ZC3H15: variants seen among roughly 807,000 people sequenced by gnomAD.
The protein encoded by ZC3H15 is zinc finger CCCH-type containing 15.
A neutral mutation model predicts 51.2 loss-of-function variants in ZC3H15; 15 were observed. The observed-to-expected ratio is 0.29, with a 90% CI of 0.20 to 0.45. The LOEUF (loss-of-function observed/expected upper bound fraction) is 0.45, where lower values mean the gene tolerates loss of function less well. ZC3H15 is among the 20% of genes least tolerant of loss of function. The pLI is 1.00. For missense variants in ZC3H15, 381 were observed against 494.7 expected (o/e 0.77, Z 2.18); for synonymous variants, 144 against 162.8 (o/e 0.88, Z 0.88).
chr2:186,499,634 T>C (rs1175994829), intron 2 of ZC3H15: 3 of 451,140 alleles, frequency 6.6e-6, no homozygotes, highest in Non-Finnish European at 1.3e-5. Flanking sequence ...GACGTATAAA[T>C]GTTTGGATGA....
intron 2 of ZC3H15, chr2:186,499,663 G>C: frequency 2.3e-6 from 1 of 440,764 alleles, no homozygotes; most frequent in South Asian, 1.6e-5. Context: ...ATCATATTAG[G>C]TATGTAAATC....
Position 186,501,959 on chromosome 2 carries a change from G to A in ZC3H15, c.442+534G>A, listed in dbSNP as rs566667525. Among the ~76,000 whole-genome samples the A allele has an allele frequency of 4.6e-5, 7 of 151,922 alleles. 1 individual carries two copies. The highest frequency in any genetic ancestry group is 4.2e-4 in the South Asian group (2 of 4,816). ...TCTCCTGACTTCGTGATCTGCCCAC[G>A]CTGGCCTCTCAAAGTGCTGGGATTA... is the stretch of plus-strand genomic sequence containing the variant. On this transcript the variant is annotated intron_variant, in intron 4 of 9. Transcript: ENST00000337859.
At chr2:186,492,573 T>G (rs1049789207) in intron 1 of ZC3H15, among the ~76,000 whole-genome samples, 6 of 152,234 alleles carry the variant, frequency 3.9e-5, no homozygotes, top group Admixed American at 2.0e-4. Context: ...AATAAAGAGA[T>G]ATTTCCCAAT....
chr2:186,501,474 G>A (rs768389412), intron 4 of ZC3H15, 49 bp downstream of exon 4: 21 of 1,475,280 alleles, frequency 1.4e-5, no homozygotes, highest in Admixed American at 1.3e-4. Context: ...GAATACTTTC[G>A]GTTTGCTACT....
chr2:186,505,680 T>A, intron 7 of ZC3H15, 60 bp from the exon 8 acceptor site: 2 of 1,605,084 alleles, frequency 1.2e-6, no homozygotes, highest in Non-Finnish European at 1.7e-6. Flanking sequence ...TTCTATTTCA[T>A]CAGTGACAAG....
At chr2:186,501,792 G>A (rs1343450207) in intron 4 of ZC3H15, among the ~76,000 whole-genome samples, 4 of 151,538 alleles carry the variant, frequency 2.6e-5, no homozygotes, top group African/African-American at 9.7e-5. Context: ...GCTCACTGCA[G>A]TCTCCATCTC....
intron 2 of ZC3H15, among the ~76,000 whole-genome samples, chr2:186,498,437 A>G (rs1205988295): frequency 1.3e-5 from 2 of 152,238 alleles, no homozygotes; most frequent in Admixed American, 1.3e-4. Flanking sequence ...ATATTTAGAT[A>G]AATGGCTTGT....
intron 3 of ZC3H15, among the ~76,000 whole-genome samples, chr2:186,500,939 C>CT (rs1460660737): frequency 6.6e-6 from 1 of 152,170 alleles, no homozygotes; most frequent in Non-Finnish European, 1.5e-5. Flanking sequence ...TCCCAGAGTG[C>CT]TGGAATTACA....
At chr2:186,496,742 TCTAA>T (rs1343422683) in intron 2 of ZC3H15, among the ~76,000 whole-genome samples, 1 of 152,238 alleles carries the variant, frequency 6.6e-6, no homozygotes, top group Non-Finnish European at 1.5e-5. Context: ...ATCCAAGGCT[TCTAA>T]CTTATACAGC....
intron 8 of ZC3H15, 63 bp from the exon 9 acceptor site, chr2:186,506,650 T>C (rs1685471749): frequency 1.0e-5 from 16 of 1,536,380 alleles, no homozygotes; most frequent in Non-Finnish European, 1.4e-5. Context: ...TTAAGATAAA[T>C]GTCAGGAGTA....
Position 186,495,755 on chromosome 2 carries a change from G to A in ZC3H15, c.177+421G>A, listed in dbSNP as rs956724707. Among the ~76,000 whole-genome samples the A allele has an allele frequency of 2.0e-5, 3 of 152,182 alleles. No individual in the cohort carries two copies. In the East Asian group the frequency reaches 5.8e-4, roughly 29 times the overall value. On this transcript the variant is annotated intron_variant, in intron 2 of 9. Coordinates refer to ENST00000337859, the MANE Select transcript of ZC3H15 (RefSeq NM_018471.3). ...TTTCTAATTTTAACATTATAAATTT[G>A]CCAGATCACTTTCCATAGAGGCTGT...
intron 8 of ZC3H15, 190 bp downstream of exon 8, chr2:186,506,031 T>C (rs903237319): frequency 4.3e-6 from 3 of 693,688 alleles, no homozygotes; most frequent in Non-Finnish European, 7.8e-6. Flanking sequence ...CTCTACATCA[T>C]AGTTTGTGAG....
intron 5 of ZC3H15, among the ~76,000 whole-genome samples, chr2:186,503,081 A>G (rs2105592572): frequency 6.6e-6 from 1 of 152,326 alleles, no homozygotes; most frequent in South Asian, 2.1e-4. Context: ...TGATGTCTCA[A>G]ACTTTGCATT....
rs1685403961 is a variant in ZC3H15 at position 186,502,573 on chromosome 2, C to T, written c.520C>T (p.Pro174Ser). The T allele has an allele frequency of 6.2e-7, 1 of 1,611,062 alleles. No homozygotes were observed. The highest frequency in any genetic ancestry group is 8.5e-7 in the Non-Finnish European group (1 of 1,178,408). Residue 174 changes from proline (P) to serine (S), a missense_variant, in exon 5 of 10, where the codon CCA (proline) becomes TCA (serine). By Grantham distance (74) the Pro-to-Ser change is moderately conservative. Transcript: ENST00000337859. The stretch of plus-strand genomic sequence containing the variant: ...GCACGGTGAGGCGGAAAAGAAAAAA[C>T]CAAAAACTCAAATAGTATGTCCTTT... ...KKHGEAEKKK[P>S]KTQIVCKHFL...
intron 1 of ZC3H15, among the ~76,000 whole-genome samples, chr2:186,487,803 A>G (rs1685125669): frequency 6.6e-6 from 1 of 152,206 alleles, no homozygotes; most frequent in African/African-American, 2.4e-5. Flanking sequence ...ATTGAAATTA[A>G]ATGTTATGTA....
In ZC3H15 at chr2:186,508,795, ATTTC is replaced by A; in HGVS notation, c.*67_*70del. 4 of 1,535,228 alleles carry A rather than the reference ATTTC, an allele frequency of 2.6e-6. No homozygotes were observed. The highest frequency in any genetic ancestry group is 3.6e-6 in the Non-Finnish European group (4 of 1,120,512). ...GCACGAGTTGAAATTGACTACATTA[ATTTC>A]TTTCCACCTAGAATCAACAGGATGT... On this transcript the variant is annotated 3_prime_UTR_variant, in exon 10 of 10. Transcript: ENST00000337859.
rs1202715290 is a variant in ZC3H15 at position 186,506,693 on chromosome 2, T to G, written c.967-20T>G. On this transcript the variant is annotated intron_variant, in intron 8 of 9. Coordinates refer to ENST00000337859, the MANE Select transcript of ZC3H15 (RefSeq NM_018471.3). ...ACTGTTCTTATTTGTAACAACTTTCTTTTCTATATGTTGTTAAAGGTTGAT... is the reference window on the plus strand; with the variant it reads ...ACTGTTCTTATTTGTAACAACTTTCGTTTCTATATGTTGTTAAAGGTTGAT... 6.3e-7 allele frequency: 1 copy of G among 1,587,990 alleles called. No homozygotes were observed. The highest frequency in any genetic ancestry group is 2.2e-5 in the East Asian group (1 of 44,584).
Position 186,508,608 on chromosome 2 carries a change from G to A in ZC3H15, c.1156G>A (p.Asp386Asn). 1.2e-6 allele frequency: 2 copies of A among 1,614,062 alleles called. No individual in the cohort carries two copies. The highest frequency in any genetic ancestry group is 1.7e-6 in the Non-Finnish European group (2 of 1,179,982). The stretch of plus-strand genomic sequence containing the variant: ...TGGTGAAAGAAGTGACTTGGAAGAG[G>A]ACAACGAGAGGGAGGGAACGGAAAA... Reference protein sequence around the residue: ...ENGERSDLEEDNEREGTENGA... With the variant: ...ENGERSDLEENNEREGTENGA... The change falls in exon 10 of 10, where the codon GAC becomes AAC. Residue 386 changes from aspartate (D) to asparagine (N), a missense_variant. Asp to Asn is a conservative substitution (Grantham distance 23, BLOSUM62 1). Around this residue, in one of 3 missense-constraint regions of ZC3H15, gnomAD observed 215 missense variants for 241.8 expected, o/e 0.89. Transcript: ENST00000337859.
chr2:186,497,342 T>A (rs987851476), intron 2 of ZC3H15, among the ~76,000 whole-genome samples: 1 of 152,210 alleles, frequency 6.6e-6, no homozygotes, highest in Non-Finnish European at 1.5e-5. Context: ...CCCAGCTTGA[T>A]TCTAGAATCT....
Sources: gnomAD v4.1 joint callset for allele counts (sites outside exome capture counted in the v4.1 genomes callset) on GRCh38, gnomAD v4.1.1 for gene constraint, gnomAD v4.1.1 regional missense constraint, MANE v1.5 for transcripts, NCBI Gene and HGNC (gene_info 2026-07-23, HGNC 2026-07-21) for gene names.